The following WSCD2 variants were observed in gnomAD, a reference collection of about 807,000 sequenced individuals.
The protein encoded by WSCD2 is WSC domain sialate O sulfotransferase 2.
In WSCD2, 28 loss-of-function variants were observed where a neutral mutation model predicts 55.7. That is an observed-to-expected ratio of 0.50 (90% confidence interval 0.37 to 0.69). The LOEUF is 0.69. Ranked by LOEUF, WSCD2 falls within the 30% of genes least tolerant of loss-of-function variation. The pLI, the probability that WSCD2 is intolerant of heterozygous loss-of-function variation, is 0.00. For missense variants in WSCD2, 616 were observed against 762.1 expected, an observed-to-expected ratio of 0.81 and a Z score of 2.26; for synonymous variants, 301 against 301.9, an observed-to-expected ratio of 1.00 and a Z score of 0.03.
intron 2 of WSCD2, among the ~76,000 whole-genome samples, chr12:108,197,379 G>T (rs1884060882): frequency 7.0e-6 from 1 of 142,074 alleles, no homozygotes; most frequent in Admixed American, 7.1e-5. Flanking sequence ...CTAGACTTCT[G>T]CCTCTTCAAG....
At position 108,248,080 on chromosome 12, in the gene WSCD2, C is replaced by T. The variant is rs1395013515; in HGVS notation, c.1435C>T (p.His479Tyr). The change falls in exon 9 of 9, where the codon CAC becomes TAC. Residue 479 changes from histidine (H) to tyrosine (Y), a missense_variant. Transcript: ENST00000547525. This position sits in a 1 kb window ranked among gnomAD's most constrained non-coding sequence, Gnocchi z 4.3. The part of the protein sequence containing the change: ...LKFGKKVLVV[H>Y]FEDLKQDLFV... ...GTTTGGCAAGAAGGTGCTGGTGGTG[C>T]ACTTTGAGGACCTGAAGCAGGACCT... is the stretch of plus-strand genomic sequence containing the variant. 1.2e-6 allele frequency: 2 copies of T among 1,614,082 alleles called. No individual in the cohort carries two copies. The highest frequency in any genetic ancestry group is 1.7e-6 in the Non-Finnish European group (2 of 1,180,044).
chr12:108,163,397 GAAAGAA>G (rs1179247864), intron 1 of WSCD2, among the ~76,000 whole-genome samples: 1 of 151,970 alleles, frequency 6.6e-6, no homozygotes, highest in African/African-American at 2.4e-5. Flanking sequence ...AATTAAAAAA[GAAAGAA>G]AAAGTCTATA....
chr12:108,219,902 C>A (rs896837270), intron 4 of WSCD2, among the ~76,000 whole-genome samples: 3 of 152,178 alleles, frequency 2.0e-5, no homozygotes, highest in Non-Finnish European at 4.4e-5. Context: ...GTTCTAGAGA[C>A]CCAGGGTCAA....
intron 1 of WSCD2, among the ~76,000 whole-genome samples, chr12:108,154,026 C>T (rs1309655124): frequency 6.6e-6 from 1 of 152,228 alleles, no homozygotes; most frequent in East Asian, 1.9e-4. Context: ...GGCTGTAAAG[C>T]ATTAAGTTGA....
At chr12:108,211,145 C>T (rs148748486) in intron 4 of WSCD2, among the ~76,000 whole-genome samples, 2 of 152,318 alleles carry the variant, frequency 1.3e-5, no homozygotes, top group East Asian at 3.9e-4. Flanking sequence ...TGTTCATTAT[C>T]CCCAACCAGT....
Position 108,248,376 on chromosome 12 carries a change from T to A in WSCD2, c.*33T>A. ...ACACAGGGGGAGGGTAGACTGGGAG[T>A]CCTGACCACGCAGGCCCTGGGGACT... is the stretch of plus-strand genomic sequence containing the variant. On this transcript the variant is annotated 3_prime_UTR_variant, in exon 9 of 9. Coordinates refer to ENST00000547525, the MANE Select transcript of WSCD2 (RefSeq NM_014653.4). This position sits in a 1 kb window ranked among gnomAD's most constrained non-coding sequence, Gnocchi z 4.3. 1 of 1,587,610 alleles carries A rather than the reference T, an allele frequency of 6.3e-7. No homozygotes were observed. The highest frequency in any genetic ancestry group is 8.6e-7 in the Non-Finnish European group (1 of 1,163,902).
At chr12:108,201,504 T>C (rs566206550) in intron 2 of WSCD2, among the ~76,000 whole-genome samples, 6 of 128,210 alleles carry the variant, frequency 4.7e-5, no homozygotes, top group African/African-American at 1.7e-4. Flanking sequence ...ACATGTCATT[T>C]TGTTGGGGTG....
chr12:108,218,944 T>C (rs539988292), intron 4 of WSCD2, among the ~76,000 whole-genome samples: 122 of 152,304 alleles, frequency 8.0e-4, no homozygotes, highest in South Asian at 2.5e-3. Context: ...CTTCTTATGA[T>C]GCATTTCCCC....
At chr12:108,226,937 C>G (rs1888159983) in intron 5 of WSCD2, 53 bp from the exon 6 acceptor site, 9 of 1,557,710 alleles carry the variant, frequency 5.8e-6, no homozygotes, top group Non-Finnish European at 6.9e-6. Context: ...GAGTCTGAAG[C>G]TGTCCAGGGA....
intron 1 of WSCD2, among the ~76,000 whole-genome samples, chr12:108,143,507 C>T (rs1007321535): frequency 5.3e-5 from 8 of 152,182 alleles, no homozygotes; most frequent in African/African-American, 1.9e-4. Flanking sequence ...AATGACTGGT[C>T]AACAAGCCAT....
intron 2 of WSCD2, among the ~76,000 whole-genome samples, chr12:108,200,619 TC>T (rs1222605340): frequency 6.6e-6 from 1 of 152,230 alleles, no homozygotes; most frequent in African/African-American, 2.4e-5. Flanking sequence ...GCTGTGCTTT[TC>T]CCCATTATAA....
intron 1 of WSCD2, among the ~76,000 whole-genome samples, chr12:108,161,342 T>C (rs1582775): frequency 0.66 from 100,083 of 152,060 alleles, 35,147 homozygotes; most frequent in East Asian, 0.91. Context: ...TGGAATTAGT[T>C]AAATTAGGAT....
intron 4 of WSCD2, among the ~76,000 whole-genome samples, chr12:108,215,475 A>T (rs1172156149): frequency 6.6e-6 from 1 of 152,178 alleles, no homozygotes; most frequent in Non-Finnish European, 1.5e-5. Flanking sequence ...TTCCTAATGG[A>T]AACTCCCCAA....
intron 1 of WSCD2, among the ~76,000 whole-genome samples, chr12:108,186,901 C>T (rs10778614): frequency 0.74 from 113,136 of 152,016 alleles, 43,359 homozygotes; most frequent in East Asian, 0.9. Flanking sequence ...CTTGGTCCTA[C>T]GAGATCAAGG....
intron 1 of WSCD2, among the ~76,000 whole-genome samples, chr12:108,151,024 T>G (rs555223263): frequency 7.9e-5 from 12 of 152,058 alleles, no homozygotes; most frequent in African/African-American, 1.7e-4. Flanking sequence ...GTGCTCAGCT[T>G]CTGCTTGGCT....
In WSCD2 at chr12:108,249,018, C is replaced by T. The variant is rs1460347001; in HGVS notation, c.*675C>T. On this transcript the variant is annotated 3_prime_UTR_variant, in exon 9 of 9. Transcript: ENST00000547525. ...CACACTGCTTCTCAGAAATGAGCTGCTTGCCTTTCCACCTCCAGGGCATGA... is the reference window on the plus strand; with the variant it reads ...CACACTGCTTCTCAGAAATGAGCTGTTTGCCTTTCCACCTCCAGGGCATGA... 1.4e-6 allele frequency: 1 copy of T among 697,646 alleles called. No individual in the cohort carries two copies. Among genetic ancestry groups the T allele is most frequent in the Middle Eastern group, 7.3e-4 (1 of 1,366 alleles). 43.2% of individuals were successfully genotyped at this position (697,646 alleles called of 1,614,324 possible).
At chr12:108,213,923 C>T (rs894971083) in intron 4 of WSCD2, among the ~76,000 whole-genome samples, 1 of 151,344 alleles carries the variant, frequency 6.6e-6, no homozygotes, top group Non-Finnish European at 1.5e-5. Flanking sequence ...TGACCCTGAT[C>T]CCTCCTTCCA....
chr12:108,148,148 A>AACATC (rs1322777736), intron 1 of WSCD2, among the ~76,000 whole-genome samples: 7 of 152,158 alleles, frequency 4.6e-5, no homozygotes, highest in Non-Finnish European at 8.8e-5. Context: ...CGTGGGGCCG[A>AACATC]CCTGTGCATT....
chr12:108,144,311 C>T (rs1335320082), intron 1 of WSCD2, among the ~76,000 whole-genome samples: 1 of 152,164 alleles, frequency 6.6e-6, no homozygotes, highest in Non-Finnish European at 1.5e-5. Context: ...TTTTCATGGC[C>T]ATGGGAGCAC....
Sources: gnomAD v4.1 joint callset for allele counts (sites outside exome capture counted in the v4.1 genomes callset) on GRCh38, gnomAD v4.1.1 for gene constraint, Gnocchi (gnomAD v3.1) non-coding constraint, MANE v1.5 for transcripts, NCBI Gene and HGNC (gene_info 2026-07-23, HGNC 2026-07-21) for gene names.